The following R3HDM1 variants were observed in gnomAD, a reference collection of about 807,000 sequenced individuals.
R3HDM1 encodes the protein R3H domain-containing protein 1.
In R3HDM1, 46 loss-of-function variants were observed where a neutral mutation model predicts 141.1. That is an observed-to-expected ratio of 0.33 (90% confidence interval 0.26 to 0.42). R3HDM1 has a LOEUF of 0.42. R3HDM1 is among the 10% of genes least tolerant of loss of function. The probability of loss-of-function intolerance (pLI) is 1.00; values close to 1 mark genes in which losing one functional copy is unlikely to be tolerated. For synonymous variants in R3HDM1, 435 were observed against 472.9 expected, an observed-to-expected ratio of 0.92 and a Z score of 1.04; for missense variants, 1,184 against 1,368.3, an observed-to-expected ratio of 0.87 and a Z score of 2.12.
intron 1 of R3HDM1, among the ~76,000 whole-genome samples, chr2:135,563,348 G>A (rs938593925): frequency 6.6e-6 from 1 of 152,188 alleles, no homozygotes; most frequent in African/African-American, 2.4e-5. Flanking sequence ...CTGATTTGCT[G>A]AGAATGAGAA....
chr2:135,550,468 C>G (rs1448364749), intron 1 of R3HDM1, among the ~76,000 whole-genome samples: 1 of 152,158 alleles, frequency 6.6e-6, no homozygotes, highest in Non-Finnish European at 1.5e-5. Flanking sequence ...TAGCATTTAA[C>G]ACCTATACTG....
chr2:135,594,120 G>A (rs977943126), intron 1 of R3HDM1, among the ~76,000 whole-genome samples: 1 of 152,178 alleles, frequency 6.6e-6, no homozygotes, highest in Non-Finnish European at 1.5e-5. Flanking sequence ...TGGGCACCAG[G>A]AGCTGCTTGT....
At chr2:135,588,050 CTT>C (rs1559178130) in intron 1 of R3HDM1, among the ~76,000 whole-genome samples, 1 of 151,404 alleles carries the variant, frequency 6.6e-6, no homozygotes, top group African/African-American at 2.4e-5. Context: ...CTCTCTCTCT[CTT>C]TTATCTTTCT....
chr2:135,577,282 T>G (rs1206804274), intron 1 of R3HDM1: 1 of 918,298 alleles, frequency 1.1e-6, no homozygotes, highest in African/African-American at 1.8e-5. Context: ...GCTGACAAAC[T>G]GGAAGAAAAT....
chr2:135,597,982 C>T (rs988548284), intron 1 of R3HDM1, among the ~76,000 whole-genome samples: 1 of 152,142 alleles, frequency 6.6e-6, no homozygotes, highest in Non-Finnish European at 1.5e-5. Context: ...TTTGAATTGT[C>T]AGTGTCAGTA....
intron 18 of R3HDM1, among the ~76,000 whole-genome samples, chr2:135,658,526 G>A (rs1308941673): frequency 6.6e-6 from 1 of 152,136 alleles, no homozygotes; most frequent in Non-Finnish European, 1.5e-5. Context: ...GCAGCTTGCA[G>A]GACTGTAAGT....
intron 21 of R3HDM1, among the ~76,000 whole-genome samples, chr2:135,706,585 G>A (rs572585666): frequency 5.9e-5 from 9 of 152,084 alleles, no homozygotes; most frequent in African/African-American, 1.7e-4. Flanking sequence ...GACTCTTAAC[G>A]AGCCTGCTGC....
chr2:135,668,813 G>GT (rs1176533647), intron 19 of R3HDM1, among the ~76,000 whole-genome samples: 1 of 152,180 alleles, frequency 6.6e-6, no homozygotes, highest in East Asian at 1.9e-4. Context: ...AAGACAGCCA[G>GT]TATCTATGAA....
At chr2:135,660,633 G>C (rs531848372) in intron 18 of R3HDM1, among the ~76,000 whole-genome samples, 9 of 152,218 alleles carry the variant, frequency 5.9e-5, no homozygotes, top group African/African-American at 2.2e-4. Context: ...ATCAGTTGAG[G>C]TCAGGAGTTT....
chr2:135,645,809 A>G (rs1001685782), intron 16 of R3HDM1, among the ~76,000 whole-genome samples: 6 of 152,216 alleles, frequency 3.9e-5, no homozygotes, highest in African/African-American at 1.4e-4. Flanking sequence ...AATGGACAAC[A>G]GGAGAAATAA....
At chr2:135,607,915 A>G (rs1415943383) in intron 3 of R3HDM1, 11 of 983,478 alleles carry the variant, frequency 1.1e-5, no homozygotes, top group African/African-American at 3.5e-5. Context: ...TTCCTATAGC[A>G]TAGCGACTGT....
chr2:135,680,559 C>G (rs1170939685), intron 21 of R3HDM1, among the ~76,000 whole-genome samples: 6 of 152,240 alleles, frequency 3.9e-5, no homozygotes, highest in African/African-American at 1.2e-4. Context: ...CACCTGAGGT[C>G]AGGCATTCAA....
chr2:135,592,775 A>T (rs886647133), intron 1 of R3HDM1, among the ~76,000 whole-genome samples: 1 of 150,698 alleles, frequency 6.6e-6, no homozygotes, highest in African/African-American at 2.4e-5. Flanking sequence ...ATTTTTTAAG[A>T]GGCAGGGTCT....
At chr2:135,625,664 C>T (rs2061943736) in intron 7 of R3HDM1, among the ~76,000 whole-genome samples, 1 of 152,062 alleles carries the variant, frequency 6.6e-6, no homozygotes, top group African/African-American at 2.4e-5. Context: ...AAGGCATGTT[C>T]AGAGGGTTGG....
At chr2:135,651,227 A>G (rs910256469) in intron 17 of R3HDM1, 1 of 985,084 alleles carries the variant, frequency 1.0e-6, no homozygotes, top group Non-Finnish European at 1.2e-6. Flanking sequence ...GATTTTATGT[A>G]TTTAATTTCT....
intron 1 of R3HDM1, among the ~76,000 whole-genome samples, chr2:135,568,238 G>T (rs1255145927): frequency 1.3e-5 from 2 of 151,624 alleles, no homozygotes; most frequent in African/African-American, 4.8e-5. Context: ...TGTAGATATG[G>T]AATTTCACCA....
rs148593544 is a variant in R3HDM1, at chr2:135,625,266, A to G, written c.497+2534A>G. 1.9e-3 allele frequency among the ~76,000 whole-genome samples: 287 copies of G among 152,284 alleles called. 2 individuals carry two copies. The highest frequency in any genetic ancestry group is 6.7e-3 in the African/African-American group (278 of 41,560). ...GGAGTTCGACACCAGCCTGACTAAC[A>G]TGGTGAAACCCCGTCTCTACTAAAA... is the stretch of plus-strand genomic sequence containing the variant. On this transcript the variant is annotated intron_variant, in intron 7 of 26. Coordinates refer to ENST00000683871, the MANE Select transcript of R3HDM1 (RefSeq NM_001378107.1).
In R3HDM1 at chr2:135,539,698, T is replaced by C. The variant is rs559595883; in HGVS notation, c.-250+8065T>C. ...AAGAGTTTTATACAATTCTGTAGTC[T>C]ATTTAAAGTGTGAAGAGCATTATGT... On this transcript the variant is annotated intron_variant, in intron 1 of 26. Transcript: ENST00000683871. Among the ~76,000 whole-genome samples, 5 of 151,022 alleles carry C rather than the reference T, an allele frequency of 3.3e-5. No homozygotes were observed. In the East Asian group the frequency reaches 9.6e-4, roughly 29 times the overall value.
intron 1 of R3HDM1, among the ~76,000 whole-genome samples, chr2:135,567,055 T>C (rs914017828): frequency 2.6e-5 from 4 of 152,136 alleles, no homozygotes; most frequent in Non-Finnish European, 5.9e-5. Flanking sequence ...CCACACGTCT[T>C]TGTGGTCAAG....
Sources: allele counts gnomAD v4.1 joint callset (sites outside exome capture counted in the v4.1 genomes callset), GRCh38; gene constraint gnomAD v4.1.1; transcripts MANE v1.5; gene names NCBI Gene and HGNC (gene_info 2026-07-23, HGNC 2026-07-21).